FADS2: variants seen among roughly 807,000 people sequenced by gnomAD.
FADS2 encodes the protein fatty acid desaturase 2, also known as acyl-CoA 6-desaturase.
Under a neutral mutation model 61.2 loss-of-function variants are expected in FADS2, and 18 were observed. The ratio of observed to expected loss-of-function variants is 0.29; its 90% confidence interval spans 0.20 to 0.44. The LOEUF is 0.44. Among genes scored for constraint, FADS2 ranks in the 20% least tolerant of loss-of-function variants. The probability of loss-of-function intolerance (pLI) is 1.00; values close to 1 mark genes in which losing one functional copy is unlikely to be tolerated. For missense variants in FADS2, 322 were observed against 572.7 expected (o/e 0.56, Z 4.47); for synonymous variants, 203 against 223.9 (o/e 0.91, Z 0.83).
intron 8 of FADS2, 39 bp from the exon 9 acceptor site, chr11:61,863,242 GC>G: frequency 6.5e-7 from 1 of 1,544,316 alleles, no homozygotes; most frequent in Non-Finnish European, 9.0e-7. Context: ...CTGTGGCTGG[GC>G]CCCCGGAGGC....
intron 1 of FADS2, among the ~76,000 whole-genome samples, chr11:61,831,636 T>A (rs2067130841): frequency 6.6e-6 from 1 of 152,222 alleles, no homozygotes; most frequent in Non-Finnish European, 1.5e-5. Context: ...GCAAGTTGCT[T>A]GATTTTTGCA....
chr11:61,860,655 C>T lies in FADS2; in HGVS notation c.883-2317C>T, dbSNP rs548920510. 3.9e-4 allele frequency among the ~76,000 whole-genome samples: 59 copies of T among 152,354 alleles called. No homozygotes were observed. The South Asian group carries it at 0.012, about 30-fold the overall frequency. On this transcript the variant is annotated intron_variant, in intron 7 of 11. Coordinates refer to ENST00000278840, the MANE Select transcript of FADS2 (RefSeq NM_004265.4). ...AGTCCAGGCCAGGCATGGTGGCTCA[C>T]GCCTGTGATCTCAGCACTTTGGGAG...
At chr11:61,824,502 GGAAAGAAAGAAA>G (rs1555073325), upstream of FADS2, among the ~76,000 whole-genome samples, 1 of 21,688 alleles carries the variant, frequency 4.6e-5, no homozygotes, top group African/African-American at 1.4e-4. Flanking sequence ...AAGAAAGAAA[GGAAAGAAAGAAA>G]GAAAGAAAGA....
intron 10 of FADS2, 25 bp downstream of exon 10, chr11:61,863,811 G>A (rs374973907): frequency 6.9e-6 from 11 of 1,590,762 alleles, no homozygotes; most frequent in Admixed American, 5.0e-5. Context: ...GCGGGGAGGC[G>A]GGGAGACCCA....
intron 1 of FADS2, among the ~76,000 whole-genome samples, chr11:61,818,923 T>C (rs949864187): frequency 5.9e-5 from 9 of 151,636 alleles, no homozygotes; most frequent in Non-Finnish European, 8.8e-5. Context: ...CAGGCTGGAG[T>C]GCAGTGGCCT....
chr11:61,837,646 C>A, intron 1 of FADS2, 132 bp from the exon 2 acceptor site: 5 of 643,816 alleles, frequency 7.8e-6, no homozygotes, highest in Non-Finnish European at 1.1e-5. Context: ...GCATTTGGGG[C>A]CAGATCACAG....
chr11:61,845,460 G>A (rs1295956835), intron 4 of FADS2, among the ~76,000 whole-genome samples: 1 of 152,154 alleles, frequency 6.6e-6, no homozygotes, highest in Admixed American at 6.6e-5. Context: ...CGGAAGGAGG[G>A]GCTCTTGAAG....
chr11:61,859,891 CAGG>C (rs2067398293), intron 7 of FADS2, among the ~76,000 whole-genome samples: 1 of 152,192 alleles, frequency 6.6e-6, no homozygotes, highest in Non-Finnish European at 1.5e-5. Flanking sequence ...GAGGCTGAGG[CAGG>C]AGAATTGCTT....
chr11:61,854,580 C>G lies in FADS2; in HGVS notation c.745-2431C>G, dbSNP rs188460378. ...CAATTAAACAGCCAGGCACTCACCCCCCTAGCTTGCTACATTCTAAAATAC... is the reference window on the plus strand; with the variant it reads ...CAATTAAACAGCCAGGCACTCACCCGCCTAGCTTGCTACATTCTAAAATAC... On this transcript the variant is annotated intron_variant, in intron 5 of 11. Coordinates refer to ENST00000278840, the MANE Select transcript of FADS2 (RefSeq NM_004265.4). 6 of 152,364 alleles carry G rather than the reference C, an allele frequency of 3.9e-5. No homozygotes were observed. The East Asian group carries it at 5.8e-4, about 15-fold the overall frequency. 9.4% of individuals were successfully genotyped at this position (152,364 alleles called of 1,614,324 possible).
chr11:61,852,255 C>T (rs2067313330), intron 5 of FADS2, among the ~76,000 whole-genome samples: 1 of 152,056 alleles, frequency 6.6e-6, no homozygotes, highest in African/African-American at 2.4e-5. Flanking sequence ...CTTTCTCTCT[C>T]TTTTTGTTTT....
intron 7 of FADS2, chr11:61,862,520 T>A (rs2135980513): frequency 5.5e-6 from 1 of 183,086 alleles, no homozygotes; most frequent in East Asian, 1.6e-4. Flanking sequence ...ATGGTACCTC[T>A]GACCTTCCCT....
chr11:61,856,533 C>A (rs2067361046), intron 5 of FADS2: 1 of 153,720 alleles, frequency 6.5e-6, no homozygotes, highest in Admixed American at 6.5e-5. Context: ...TTCTCCCTGC[C>A]ACTGCGGGCT....
In FADS2 at chr11:61,816,665, C is replaced by T. The variant is rs1416391743; in HGVS notation, c.141+239C>T. 1 of 1,597,610 alleles carries T rather than the reference C, an allele frequency of 6.3e-7. No homozygotes were observed. The highest frequency in any genetic ancestry group is 8.5e-7 in the Non-Finnish European group (1 of 1,172,944). ...CGGTCGATCACTAGCCACCGCTCCT[C>T]GCACCCTGAGCGCTGGGCCACCTCG... On this transcript the variant is annotated intron_variant, in intron 1 of 11. Coordinates refer to the FADS2 transcript ENST00000257261. The surrounding 1 kb of genome is among the most constrained non-coding windows in gnomAD (Gnocchi z 7.0).
chr11:61,850,821 T>C (rs1413011560), intron 5 of FADS2, among the ~76,000 whole-genome samples: 1 of 152,174 alleles, frequency 6.6e-6, no homozygotes, highest in East Asian at 1.9e-4. Context: ...TTTCCCTCAC[T>C]AAGGAGTGGC....
intron 1 of FADS2, among the ~76,000 whole-genome samples, chr11:61,835,634 G>A (rs2067167644): frequency 6.9e-6 from 1 of 144,780 alleles, no homozygotes; most frequent in Non-Finnish European, 1.5e-5. Flanking sequence ...TCAAACTTCT[G>A]GCCTCAGGCA....
At chr11:61,848,084 A>G in intron 4 of FADS2, 75 bp from the exon 5 acceptor site, 1 of 1,598,250 alleles carries the variant, frequency 6.3e-7, no homozygotes, top group Non-Finnish European at 8.6e-7. Flanking sequence ...AACTGCTCCT[A>G]AGAAGGGCCT....
upstream of FADS2, chr11:61,827,962 G>A: frequency 1.1e-6 from 1 of 875,508 alleles, no homozygotes; most frequent in Admixed American, 5.8e-5. This position sits in a 1 kb window ranked among gnomAD's most constrained non-coding sequence, Gnocchi z 4.5. Flanking sequence ...GCGGGGCGAC[G>A]CGACCGGATT....
At chr11:61,830,665 C>T (rs940193126) in intron 1 of FADS2, among the ~76,000 whole-genome samples, 2 of 152,268 alleles carry the variant, frequency 1.3e-5, no homozygotes, top group East Asian at 1.9e-4. Flanking sequence ...GGGAGCCAAC[C>T]GGGGCTGCAA....
intron 4 of FADS2, chr11:61,846,736 G>C (rs1044645410): frequency 6.6e-6 from 1 of 152,066 alleles, no homozygotes; most frequent in South Asian, 2.1e-4. Flanking sequence ...CTGAGGAGAC[G>C]GACACCTGTG....
Sources: gnomAD v4.1 joint callset for allele counts (sites outside exome capture counted in the v4.1 genomes callset) on GRCh38, gnomAD v4.1.1 for gene constraint, Gnocchi (gnomAD v3.1) non-coding constraint, MANE v1.5 for transcripts, NCBI Gene and HGNC (gene_info 2026-07-23, HGNC 2026-07-21) for gene names.